Variants in CLDN10 observed in about 807,000 individuals in gnomAD.
The protein encoded by CLDN10 is claudin 10.
A neutral mutation model predicts 22.9 loss-of-function variants in CLDN10; 15 were observed. The ratio of observed to expected loss-of-function variants is 0.65; its 90% CI spans 0.44 to 1.01. The LOEUF is 1.01. Among genes scored for constraint, CLDN10 ranks in the 50% least tolerant of loss-of-function variants. CLDN10 has a pLI of 0.00. For missense variants in CLDN10, 247 were observed against 287.8 expected (o/e 0.86, Z 1.03); for synonymous variants, 114 against 111.4 (o/e 1.02, Z -0.15).
Position 95,443,813 on chromosome 13 carries a change from G to A in CLDN10, c.214+9766G>A, listed in dbSNP as rs187747312. Among the ~76,000 whole-genome samples the A allele has an allele frequency of 1.2e-3, 183 of 152,244 alleles. 1 individual carries two copies. The highest frequency in any genetic ancestry group is 4.1e-3 in the African/African-American group (170 of 41,550). ...CTTATGAAAGATGTGCTTGTGGGGGGTCATTTGCTATCTGTAATAACTGGC... is the reference window on the plus strand; with the variant it reads ...CTTATGAAAGATGTGCTTGTGGGGGATCATTTGCTATCTGTAATAACTGGC... On this transcript the variant is annotated intron_variant, in intron 1 of 4. Transcript: ENST00000376873.
chr13:95,535,422 T>C (rs2043389895), intron 1 of CLDN10, among the ~76,000 whole-genome samples: 1 of 149,756 alleles, frequency 6.7e-6, no homozygotes, highest in Non-Finnish European at 1.5e-5. Context: ...TCAGAAAGAG[T>C]GTCAACAAGA....
At chr13:95,454,277 TA>T (rs1426652350) in intron 1 of CLDN10, among the ~76,000 whole-genome samples, 1 of 152,004 alleles carries the variant, frequency 6.6e-6, no homozygotes, top group East Asian at 1.9e-4. Flanking sequence ...CCATCTCTGC[TA>T]AAAAATACAA....
chr13:95,524,756 A>G (rs1349560242), intron 1 of CLDN10, among the ~76,000 whole-genome samples: 2 of 152,204 alleles, frequency 1.3e-5, no homozygotes, highest in African/African-American at 4.8e-5. Flanking sequence ...CAGCGGCTGC[A>G]TCATTTTACA....
At chr13:95,551,819 CAG>C (rs916943590), upstream of CLDN10, among the ~76,000 whole-genome samples, 1 of 152,046 alleles carries the variant, frequency 6.6e-6, no homozygotes, top group Non-Finnish European at 1.5e-5. Flanking sequence ...TACCTTGAGA[CAG>C]CAATGAAGGG....
intron 3 of CLDN10, among the ~76,000 whole-genome samples, chr13:95,571,258 TG>T (rs2043855734): frequency 6.6e-6 from 1 of 152,158 alleles, no homozygotes; most frequent in South Asian, 2.1e-4. Flanking sequence ...GGAAGGATAA[TG>T]GGCATATGTC....
At chr13:95,507,347 A>G (rs1012067053) in intron 1 of CLDN10, among the ~76,000 whole-genome samples, 3 of 152,136 alleles carry the variant, frequency 2.0e-5, no homozygotes, top group African/African-American at 7.2e-5. Flanking sequence ...GAAGTAATAA[A>G]CCAGGGTTTG....
chr13:95,546,587 A>AT (rs2138631913), intron 1 of CLDN10, among the ~76,000 whole-genome samples: 1 of 152,336 alleles, frequency 6.6e-6, no homozygotes, highest in Non-Finnish European at 1.5e-5. Flanking sequence ...GAAATAATTC[A>AT]TTTTAAACTT....
intron 1 of CLDN10, among the ~76,000 whole-genome samples, chr13:95,499,849 T>C (rs1365677848): frequency 2.0e-5 from 3 of 152,226 alleles, no homozygotes; most frequent in African/African-American, 7.2e-5. Context: ...TTTTGGCTTC[T>C]CTGGGCCACA....
intron 3 of CLDN10, among the ~76,000 whole-genome samples, chr13:95,570,858 G>GTATGTATATA (rs2043847636): frequency 1.7e-5 from 2 of 119,706 alleles, no homozygotes; most frequent in African/African-American, 6.8e-5. Flanking sequence ...ATATACGTGT[G>GTATGTATATA]TATATATATA....
At chr13:95,572,398 T>C (rs1271730323) in intron 3 of CLDN10, among the ~76,000 whole-genome samples, 1 of 152,224 alleles carries the variant, frequency 6.6e-6, no homozygotes, top group African/African-American at 2.4e-5. Flanking sequence ...GGGTCTACCA[T>C]TTACTTGGCT....
chr13:95,505,847 C>G (rs1159067995), intron 1 of CLDN10, among the ~76,000 whole-genome samples: 1 of 150,822 alleles, frequency 6.6e-6, no homozygotes, highest in Non-Finnish European at 1.5e-5. Flanking sequence ...CTCTGCCTCC[C>G]AGGTTCCAGT....
chr13:95,480,818 C>T (rs764564587), intron 1 of CLDN10, among the ~76,000 whole-genome samples: 1 of 152,124 alleles, frequency 6.6e-6, no homozygotes, highest in Non-Finnish European at 1.5e-5. Flanking sequence ...CAATGAAGGC[C>T]CATAAGCTAT....
At chr13:95,465,118 G>C (rs2042571667) in intron 1 of CLDN10, among the ~76,000 whole-genome samples, 1 of 152,192 alleles carries the variant, frequency 6.6e-6, no homozygotes, top group African/African-American at 2.4e-5. Flanking sequence ...AATCATGGCA[G>C]AAGGCAAAAG....
chr13:95,461,463 C>T (rs78477512), intron 1 of CLDN10, among the ~76,000 whole-genome samples: 2,231 of 152,272 alleles, frequency 0.015, 24 homozygotes, highest in Non-Finnish European at 0.024. Flanking sequence ...TCACTCCTGT[C>T]CTCAAGTTAT....
chr13:95,503,280 GA>G (rs1192916417), intron 1 of CLDN10, among the ~76,000 whole-genome samples: 3 of 151,902 alleles, frequency 2.0e-5, no homozygotes, highest in Non-Finnish European at 2.9e-5. Context: ...AAAATGTAAA[GA>G]AAAAAACATT....
In CLDN10 at chr13:95,573,343, T is replaced by C. The variant is rs181899071; in HGVS notation, c.465-3888T>C. ...GTCCTCAACCTGAAAGTCATGGATA[T>C]GGATTGGTCCAGTGTCATGTAGATT... is the stretch of plus-strand genomic sequence containing the variant. On this transcript the variant is annotated intron_variant, in intron 3 of 4. Transcript: ENST00000299339. 2.2e-3 allele frequency among the ~76,000 whole-genome samples: 331 copies of C among 152,358 alleles called. 2 individuals are homozygous for C. The highest frequency in any genetic ancestry group is 0.01 in the Middle Eastern group (3 of 294).
chr13:95,489,782 A>G (rs1408892756), intron 1 of CLDN10, among the ~76,000 whole-genome samples: 2 of 152,192 alleles, frequency 1.3e-5, no homozygotes, highest in African/African-American at 4.8e-5. Flanking sequence ...TGGTCATGAA[A>G]TCCTTGCCTA....
chr13:95,571,615 C>G (rs914241855), intron 3 of CLDN10, among the ~76,000 whole-genome samples: 1 of 151,782 alleles, frequency 6.6e-6, no homozygotes, highest in Non-Finnish European at 1.5e-5. Flanking sequence ...AACTGGGGCC[C>G]CAAAAGAATG....
chr13:95,486,283 G>A lies in CLDN10; in HGVS notation c.214+52236G>A, dbSNP rs1212997292. Among the ~76,000 whole-genome samples the A allele has an allele frequency of 2.6e-5, 4 of 152,176 alleles. No homozygotes were observed. In the South Asian group the frequency reaches 6.2e-4, roughly 24 times the overall value. ...CCAAGATGCAATAGGCGCATTTTGGGAGGCCGATGTGGGTGGATCACTTGA... is the reference window on the plus strand; with the variant it reads ...CCAAGATGCAATAGGCGCATTTTGGAAGGCCGATGTGGGTGGATCACTTGA... On this transcript the variant is annotated intron_variant, in intron 1 of 4. Transcript: ENST00000376873.
Sources: allele counts gnomAD v4.1 joint callset (sites outside exome capture counted in the v4.1 genomes callset), GRCh38; gene constraint gnomAD v4.1.1; transcripts MANE v1.5; gene names NCBI Gene and HGNC (gene_info 2026-07-23, HGNC 2026-07-21).